KRT76: variants seen among roughly 807,000 people sequenced by gnomAD.
The protein encoded by KRT76 is keratin 76.
In KRT76, 47 loss-of-function variants were observed where a neutral mutation model predicts 44.9. The observed-to-expected ratio is 1.05, with a 90% CI of 0.83 to 1.33. KRT76 has a LOEUF of 1.33. KRT76 is among the 40% of genes most tolerant of loss of function. The pLI, the probability that KRT76 is intolerant of heterozygous loss-of-function variation, is 0.00. For synonymous variants in KRT76, 331 were observed against 294.1 expected (o/e 1.13, Z -1.28); for missense variants, 860 against 775.8 (o/e 1.11, Z -1.29).
Position 52,771,969 on chromosome 12 carries a change from T to C in KRT76, c.1165A>G (p.Arg389Gly). 1.2e-6 allele frequency: 2 copies of C among 1,614,140 alleles called. No homozygotes were observed. Among genetic ancestry groups the C allele is most frequent in the Non-Finnish European group, 1.7e-6 (2 of 1,180,016 alleles). The change falls in exon 6 of 9, where the codon AGG becomes GGG. Residue 389 changes from arginine (R) to glycine (G), a missense_variant. Transcript: ENST00000332411. ...KLGELQTTAG[R>G]HGDDLRNTKS... ...GTGTTCCTCAGGTCATCCCCATGCC[T>C]GCCAGCTGTGGTCTGCAGCTCCCCA...
At chr12:52,772,911 C>G (rs770184928) in intron 3 of KRT76, 33 bp from the exon 4 acceptor site, 2 of 1,469,224 alleles carry the variant, frequency 1.4e-6, no homozygotes, top group South Asian at 1.1e-5. Flanking sequence ...AGAGAATGAC[C>G]CTCTGTTCCC....
At chr12:52,773,791 T>C (rs933662846) in intron 2 of KRT76, 149 bp from the exon 3 acceptor site, 3 of 507,284 alleles carry the variant, frequency 5.9e-6, no homozygotes, top group Middle Eastern at 2.9e-4. Context: ...CTCAGGGTCC[T>C]CACACTTAGC....
chr12:52,771,550 A>C (rs2121188770), intron 6 of KRT76, among the ~76,000 whole-genome samples: 1 of 152,360 alleles, frequency 6.6e-6, no homozygotes, highest in Admixed American at 6.5e-5. Context: ...CAGAGCAGCC[A>C]TCAAGGTTAT....
At chr12:52,769,511 A>G (rs773963155) in intron 8 of KRT76, 38 bp downstream of exon 8, 8 of 1,595,080 alleles carry the variant, frequency 5.0e-6, no homozygotes, top group Non-Finnish European at 6.9e-6. Context: ...CTGCCCTTTT[A>G]CAACCCAGGG....
At position 52,776,977 on chromosome 12, in the gene KRT76, G is replaced by C; in HGVS notation, c.315C>G (p.Gly105=). 6.2e-7 allele frequency: 1 copy of C among 1,613,844 alleles called. No homozygotes were observed. ...TACCTACTCCTCTGCCACCACCAAAGCCACCACCATAGCTGCCCCCAAAGC... is the reference window on the plus strand; with the variant it reads ...TACCTACTCCTCTGCCACCACCAAACCCACCACCATAGCTGCCCCCAAAGC... ...GGGFGGSYGG[G]FGGGRGVGSG... The change falls in exon 1 of 9, where the codon GGC becomes GGG. Residue 105 remains glycine, a synonymous_variant. Transcript: ENST00000332411.
chr12:52,777,097 C>T lies in KRT76; in HGVS notation c.195G>A (p.Lys65=), dbSNP rs761005852. The T allele has an allele frequency of 1.9e-6, 3 of 1,614,248 alleles. No homozygotes were observed. In the Admixed American group the frequency reaches 5.0e-5, roughly 27 times the overall value. The part of the protein sequence containing the change: ...SRSLYNLGSN[K]SISISVAAGS... ...CAGCTGCCACGCTGATGGAGATGCT[C>T]TTGTTGCTGCCCAGGTTGTAGAGGC... Residue 65 remains lysine (K), a synonymous_variant, in exon 1 of 9, where the codon AAG becomes AAA. Transcript: ENST00000332411.
Position 52,768,987 on chromosome 12 carries a change from C to CAG in KRT76, c.1642_1643insCT (p.Gly548AlafsTer47). 6.2e-6 allele frequency: 6 copies of CAG among 962,724 alleles called. No individual in the cohort carries two copies. The highest frequency in any genetic ancestry group is 9.8e-6 in the Non-Finnish European group (6 of 613,680). 59.6% of individuals were successfully genotyped at this position (962,724 alleles called of 1,614,324 possible). A position where few individuals can be genotyped will look rare whatever the true frequency, so the allele number is the denominator to read the frequency against. Reference sequence around the variant, plus strand: ...GCCGCTGCCGCCACTGACTCCATAGCCACTGCTGCTGCTGCTGCTGCTGCC... The same window carrying CAG: ...GCCGCTGCCGCCACTGACTCCATAGCAGCACTGCTGCTGCTGCTGCTGCTGCC... On this transcript the variant is annotated frameshift_variant, in exon 9 of 9. Coordinates refer to ENST00000332411, the MANE Select transcript of KRT76 (RefSeq NM_015848.4). LOFTEE classifies it low-confidence loss of function (END_TRUNC).
chr12:52,777,260 C>G lies in KRT76; in HGVS notation c.32G>C (p.Ser11Thr). The change falls in exon 1 of 9, where the codon AGT becomes ACT. Residue 11 changes from serine to threonine, a missense_variant. Transcript: ENST00000332411. MNRQVCKKSFSGRSQGFSGRS... is the reference protein window; with the variant it reads MNRQVCKKSFTGRSQGFSGRS... ...GCCAGAGAAACCCTGGCTCCTGCCA[C>G]TGAAGGATTTCTTGCAAACTTGTCT... 6.2e-7 allele frequency: 1 copy of G among 1,614,246 alleles called. No homozygotes were observed. Among genetic ancestry groups the G allele is most frequent in the South Asian group, 1.1e-5 (1 of 91,086 alleles).
intron 3 of KRT76, 150 bp from the exon 4 acceptor site, chr12:52,773,028 T>C: frequency 6.6e-6 from 4 of 604,300 alleles, no homozygotes; most frequent in Admixed American, 3.0e-5. Flanking sequence ...ATAAGGAAGA[T>C]CAAAATGGCT....
rs550954215 is a variant in KRT76, at chr12:52,772,287, C to T, written c.973-29G>A. On this transcript the variant is annotated intron_variant, in intron 4 of 8. Transcript: ENST00000332411. ...CAGGAAACATGGATAGTTACTCTTACCATCGCCTGGACCAGGGGATGCTGG... is the reference window on the plus strand; with the variant it reads ...CAGGAAACATGGATAGTTACTCTTATCATCGCCTGGACCAGGGGATGCTGG... 7.9e-5 allele frequency: 124 copies of T among 1,565,788 alleles called. 1 individual carries two copies. In the South Asian group the frequency reaches 1.5e-3, roughly 19 times the overall value.
Position 52,769,689 on chromosome 12 carries a change from G to A in KRT76, c.1485-106C>T, listed in dbSNP as rs113217810. Reference sequence around the variant, plus strand: ...ACGCCCTCCCATTTGCCCCACTAGGGGTCAAGCTCCTGCAAGAAGAAAGCC... The same window carrying A: ...ACGCCCTCCCATTTGCCCCACTAGGAGTCAAGCTCCTGCAAGAAGAAAGCC... On this transcript the variant is annotated intron_variant, in intron 7 of 8. Coordinates refer to ENST00000332411, the MANE Select transcript of KRT76 (RefSeq NM_015848.4). The A allele has an allele frequency of 3.1e-3, 2,794 of 902,038 alleles. 54 individuals are homozygous for A. The African/African-American group carries it at 0.041, about 13-fold the overall frequency. 55.9% of individuals were successfully genotyped at this position (902,038 alleles called of 1,614,324 possible).
chr12:52,769,408 T>C (rs1400365488), intron 8 of KRT76, 141 bp downstream of exon 8: 1 of 740,434 alleles, frequency 1.4e-6, no homozygotes, highest in Non-Finnish European at 2.4e-6. Context: ...CATGTGGCCA[T>C]GGCCTGAGAT....
chr12:52,775,446 C>T lies in KRT76; in HGVS notation c.757G>A (p.Gly253Arg), dbSNP rs1309990014. 9.3e-6 allele frequency: 15 copies of T among 1,614,068 alleles called. No homozygotes were observed. The highest frequency in any genetic ancestry group is 1.3e-5 in the Non-Finnish European group (15 of 1,180,030). ...CTTTTCAGCTCTCCCTCCAGGTTCC[C>T]CCTCTCCCCTAGAAGTGAATCTAGC... is the stretch of plus-strand genomic sequence containing the variant. Reference protein sequence around the residue: ...KQLDSLLGERGNLEGELKSMQ... With the variant: ...KQLDSLLGERRNLEGELKSMQ... The change falls in exon 2 of 9, where the codon GGG (glycine) becomes AGG (arginine). Residue 253 changes from glycine (G) to arginine (R), a missense_variant. Physicochemically the swap from Gly to Arg is moderately radical, Grantham distance 125 (BLOSUM62 -2). Coordinates refer to ENST00000332411, the MANE Select transcript of KRT76 (RefSeq NM_015848.4).
At chr12:52,770,405 A>C (rs6580902) in intron 7 of KRT76, among the ~76,000 whole-genome samples, 145,100 of 152,218 alleles carry the variant, frequency 0.95, 69,573 homozygotes, top group Non-Finnish European at 0.99. Context: ...CATTTGATAA[A>C]CACTTGCTAA....
chr12:52,777,325 T>C lies in KRT76; in HGVS notation c.-34A>G. On this transcript the variant is annotated 5_prime_UTR_variant, in exon 1 of 9. Transcript: ENST00000332411. ...AGCTTGGAGGCAAGCTAGTGATCACTTAGCAAGAGCTGAGAGGGATAGGGA... is the reference window on the plus strand; with the variant it reads ...AGCTTGGAGGCAAGCTAGTGATCACCTAGCAAGAGCTGAGAGGGATAGGGA... 1 of 1,612,200 alleles carries C rather than the reference T, an allele frequency of 6.2e-7. No homozygotes were observed. Among genetic ancestry groups the C allele is most frequent in the Non-Finnish European group, 8.5e-7 (1 of 1,179,102 alleles).
At chr12:52,769,223 TATCTA>T (rs1229920152) in intron 8 of KRT76, 113 bp from the exon 9 acceptor site, 3 of 614,084 alleles carry the variant, frequency 4.9e-6, no homozygotes, top group Non-Finnish European at 8.9e-6. Flanking sequence ...GATGCTAACT[TATCTA>T]ATGCCTCAGT....
At position 52,768,964 on chromosome 12, in the gene KRT76, C is replaced by G; in HGVS notation, c.1666G>C (p.Gly556Arg). The G allele has an allele frequency of 7.8e-7, 1 of 1,279,694 alleles. No individual in the cohort carries two copies. 79.3% of individuals were successfully genotyped at this position (1,279,694 alleles called of 1,614,324 possible). A position where few individuals can be genotyped will look rare whatever the true frequency, so the allele number is the denominator to read the frequency against. Reference sequence around the variant, plus strand: ...CTGCTGACCCCTCCATAGCCACTGCCGCTGCCGCCACTGACTCCATAGCCA... The same window carrying G: ...CTGCTGACCCCTCCATAGCCACTGCGGCTGCCGCCACTGACTCCATAGCCA... ...SSGYGVSGGS[G>R]SGYGGVSSGS... The change falls in exon 9 of 9, where the codon GGC becomes CGC. Residue 556 changes from glycine to arginine, a missense_variant. By Grantham distance (125) the Gly-to-Arg change is moderately radical. Coordinates refer to ENST00000332411, the MANE Select transcript of KRT76 (RefSeq NM_015848.4).
rs1359507290 is a variant in KRT76, at chr12:52,771,031, G to A, written c.1452C>T (p.Thr484=). 2 of 1,614,112 alleles carry A rather than the reference G, an allele frequency of 1.2e-6. No homozygotes were observed. The change falls in exon 7 of 9, where the codon ACC becomes ACT. Residue 484 remains threonine (T), a synonymous_variant. Coordinates refer to ENST00000332411, the MANE Select transcript of KRT76 (RefSeq NM_015848.4). The part of the protein sequence containing the change: ...VKLALDVEIA[T]YRKLLEGEEC... ...CCTCTCCCTCCAGCAGCTTGCGGTAGGTGGCAATCTCCACATCCAGGGCCA... is the reference window on the plus strand; with the variant it reads ...CCTCTCCCTCCAGCAGCTTGCGGTAAGTGGCAATCTCCACATCCAGGGCCA...
In KRT76 at chr12:52,769,582, T is replaced by C. The variant is rs1342649934; in HGVS notation, c.1486A>G (p.Met496Val). 1 of 1,613,672 alleles carries C rather than the reference T, an allele frequency of 6.2e-7. No homozygotes were observed. Among genetic ancestry groups the C allele is most frequent in the Admixed American group, 1.7e-5 (1 of 60,024 alleles). The change falls in exon 8 of 9, where the codon ATG becomes GTG. Residue 496 changes from methionine (M) to valine (V), a missense_variant and splice_region_variant. Physicochemically the swap from Met to Val is conservative, Grantham distance 21. Transcript: ENST00000332411. The part of the protein sequence containing the change: ...RKLLEGEECR[M>V]SGECQSAVCI... ...ACGGCACTCTGACATTCTCCAGACA[T>C]CCTGAAAAGGAAGAGGAGAGGTGAA...
Sources: allele counts gnomAD v4.1 joint callset (sites outside exome capture counted in the v4.1 genomes callset), GRCh38; gene constraint gnomAD v4.1.1; transcripts MANE v1.5; gene names NCBI Gene and HGNC (gene_info 2026-07-23, HGNC 2026-07-21).